SH3RF3: variants seen among roughly 807,000 people sequenced by gnomAD.
SH3RF3 encodes the protein E3 ubiquitin-protein ligase SH3RF3.
A neutral mutation model predicts 66.3 loss-of-function variants in SH3RF3; 29 were observed. The ratio of observed to expected loss-of-function variants is 0.44; its 90% CI spans 0.33 to 0.60. The LOEUF (loss-of-function observed/expected upper bound fraction) is 0.60. SH3RF3 is among the 20% of genes least tolerant of loss of function. The pLI is 0.04. For missense variants in SH3RF3, 1,194 were observed against 1,190.9 expected, an observed-to-expected ratio of 1.00 and a Z score of -0.04; for synonymous variants, 583 against 532.0, an observed-to-expected ratio of 1.10 and a Z score of -1.32.
chr2:109,338,405 G>C (rs1682479049), intron 1 of SH3RF3, among the ~76,000 whole-genome samples: 1 of 151,432 alleles, frequency 6.6e-6, no homozygotes, highest in African/African-American at 2.4e-5. Context: ...CCTTCCTTTT[G>C]TCATTTGAGC....
chr2:109,262,297 T>G (rs1006483129), intron 1 of SH3RF3, among the ~76,000 whole-genome samples: 7 of 152,200 alleles, frequency 4.6e-5, no homozygotes, highest in African/African-American at 1.7e-4. Context: ...ATGGGAGAGA[T>G]AAATGTCTCG....
At chr2:109,160,324 G>A (rs1332580173) in intron 1 of SH3RF3, among the ~76,000 whole-genome samples, 2 of 152,238 alleles carry the variant, frequency 1.3e-5, no homozygotes, top group Non-Finnish European at 2.9e-5. Flanking sequence ...TTCTTGGGGT[G>A]CAGCCCATGC....
intron 1 of SH3RF3, among the ~76,000 whole-genome samples, chr2:109,229,926 G>A (rs1361830290): frequency 1.3e-5 from 2 of 150,508 alleles, no homozygotes; most frequent in East Asian, 2.0e-4. Flanking sequence ...CTGGGTTCAC[G>A]CCATTCTCCT....
intron 1 of SH3RF3, among the ~76,000 whole-genome samples, chr2:109,312,259 G>T (rs1378018144): frequency 6.6e-6 from 1 of 152,130 alleles, no homozygotes; most frequent in African/African-American, 2.4e-5. Context: ...TCAGAGCTGG[G>T]GCTCTGAGTC....
intron 1 of SH3RF3, among the ~76,000 whole-genome samples, chr2:109,280,356 G>T (rs1438904456): frequency 2.6e-5 from 4 of 152,182 alleles, no homozygotes; most frequent in Admixed American, 2.0e-4. Flanking sequence ...GTGGCAGTGG[G>T]CTCTGAGGGG....
chr2:109,356,535 C>G (rs987590240), intron 2 of SH3RF3, among the ~76,000 whole-genome samples: 1 of 152,212 alleles, frequency 6.6e-6, no homozygotes, highest in African/African-American at 2.4e-5. Context: ...AGATGCTGAC[C>G]TTCTCTTTAC....
chr2:109,454,465 G>A lies in SH3RF3; in HGVS notation c.2148+4976G>A, dbSNP rs554499456. Among the ~76,000 whole-genome samples the A allele has an allele frequency of 1.0e-3, 158 of 152,294 alleles. 1 individual carries two copies. The highest frequency in any genetic ancestry group is 3.7e-3 in the African/African-American group (155 of 41,562). ...ATGAGTGGTGCTCCTTGCCTCCTCG[G>A]GGTTCTGAGCCTCTTGCTGTCCCTG... On this transcript the variant is annotated intron_variant, in intron 8 of 9. Coordinates refer to ENST00000309415, the MANE Select transcript of SH3RF3 (RefSeq NM_001099289.3).
intron 3 of SH3RF3, among the ~76,000 whole-genome samples, chr2:109,392,533 G>T (rs1024822385): frequency 1.3e-5 from 2 of 151,584 alleles, no homozygotes; most frequent in African/African-American, 4.8e-5. Context: ...TTTTGGAGAC[G>T]GAGTCTCGCA....
intron 1 of SH3RF3, among the ~76,000 whole-genome samples, chr2:109,256,603 C>T (rs1436321883): frequency 6.6e-6 from 1 of 152,102 alleles, no homozygotes; most frequent in African/African-American, 2.4e-5. Context: ...CTGAGAGCTT[C>T]GAGGGGATTT....
At chr2:109,300,571 G>A (rs1681442183) in intron 1 of SH3RF3, among the ~76,000 whole-genome samples, 1 of 152,194 alleles carries the variant, frequency 6.6e-6, no homozygotes, top group Non-Finnish European at 1.5e-5. Flanking sequence ...TTCCATAGGG[G>A]ATGGTTAGGG....
chr2:109,493,685 TAC>T (rs1437825891), intron 9 of SH3RF3, among the ~76,000 whole-genome samples: 1 of 148,326 alleles, frequency 6.7e-6, no homozygotes, highest in African/African-American at 2.5e-5. Flanking sequence ...TCACACACCA[TAC>T]ACACACCACA....
At chr2:109,477,291 G>A (rs1678707435) in intron 8 of SH3RF3, among the ~76,000 whole-genome samples, 1 of 152,208 alleles carries the variant, frequency 6.6e-6, no homozygotes, top group Admixed American at 6.5e-5. Context: ...TCCTGCACAG[G>A]CACAGCCTTC....
rs544893528 is a variant in SH3RF3 at position 109,464,842 on chromosome 2, G to A, written c.2148+15353G>A. Among the ~76,000 whole-genome samples the A allele has an allele frequency of 7.2e-5, 11 of 152,300 alleles. No homozygotes were observed. In the East Asian group the frequency reaches 7.7e-4, roughly 11 times the overall value. On this transcript the variant is annotated intron_variant, in intron 8 of 9. Coordinates refer to ENST00000309415, the MANE Select transcript of SH3RF3 (RefSeq NM_001099289.3). ...TCATTACCCAATGTCCATAGTTTAC[G>A]TTAGGATTTACTCTTGGTGTTGTCC...
At chr2:109,430,743 C>A (rs575748075) in intron 5 of SH3RF3, among the ~76,000 whole-genome samples, 4 of 152,318 alleles carry the variant, frequency 2.6e-5, no homozygotes, top group Admixed American at 1.3e-4. Flanking sequence ...AGCATTGAAA[C>A]TGTGAACGTG....
chr2:109,200,570 C>T (rs894199067), intron 1 of SH3RF3, among the ~76,000 whole-genome samples: 1 of 152,168 alleles, frequency 6.6e-6, no homozygotes, highest in Non-Finnish European at 1.5e-5. Flanking sequence ...CCTTGCTCTT[C>T]TAGGCACCGC....
At chr2:109,274,253 A>AT (rs909541991) in intron 1 of SH3RF3, among the ~76,000 whole-genome samples, 13 of 152,148 alleles carry the variant, frequency 8.5e-5, no homozygotes, top group African/African-American at 2.2e-4. Flanking sequence ...ACATGTTATC[A>AT]TTTTTTTTGT....
chr2:109,333,340 G>A (rs1682331905), intron 1 of SH3RF3, among the ~76,000 whole-genome samples: 1 of 152,222 alleles, frequency 6.6e-6, no homozygotes, highest in African/African-American at 2.4e-5. Flanking sequence ...GAAACTGAAT[G>A]TGATCAATGT....
At chr2:109,499,672 GCT>G (rs1234369662) in intron 9 of SH3RF3, among the ~76,000 whole-genome samples, 6 of 152,212 alleles carry the variant, frequency 3.9e-5, no homozygotes, top group African/African-American at 1.4e-4. Flanking sequence ...TTAGAGGAAG[GCT>G]CTCCTGGGGC....
chr2:109,259,622 A>G (rs1680304704), intron 1 of SH3RF3, among the ~76,000 whole-genome samples: 1 of 152,246 alleles, frequency 6.6e-6, no homozygotes, highest in Non-Finnish European at 1.5e-5. Flanking sequence ...TTTATGGAGA[A>G]GTTGGTGACA....
Sources: allele counts gnomAD v4.1 joint callset (sites outside exome capture counted in the v4.1 genomes callset), GRCh38; gene constraint gnomAD v4.1.1; transcripts MANE v1.5; gene names NCBI Gene and HGNC (gene_info 2026-07-23, HGNC 2026-07-21).